Variants in AS3MT observed in about 807,000 individuals in gnomAD.
AS3MT encodes the protein S-adenosyl-L-methionine:arsenic(III) methyltransferase.
A neutral mutation model predicts 45.3 loss-of-function variants in AS3MT; 47 were observed. That is an observed-to-expected ratio of 1.04 (90% confidence interval 0.82 to 1.32). The LOEUF (loss-of-function observed/expected upper bound fraction) is 1.32, where lower values mean the gene tolerates loss of function less well. Ranked by LOEUF, AS3MT falls within the 40% of genes most tolerant of loss-of-function variation. The probability of loss-of-function intolerance (pLI) is 0.00; values close to 1 mark genes in which losing one functional copy is unlikely to be tolerated. For synonymous variants in AS3MT, 141 were observed against 152.8 expected (o/e 0.92, Z 0.57); for missense variants, 396 against 451.1 (o/e 0.88, Z 1.11).
chr10:102,872,588 C>T lies in AS3MT; in HGVS notation c.311C>T (p.Thr104Ile), dbSNP rs764428592. 6.2e-7 allele frequency: 1 copy of T among 1,606,970 alleles called. No individual in the cohort carries two copies. The highest frequency in any genetic ancestry group is 2.2e-5 in the East Asian group (1 of 44,812). ...GGACACGTGACTGGAATAGACATGACCAAAGGCCAGGTGAGGCATGATTTG... is the reference window on the plus strand; with the variant it reads ...GGACACGTGACTGGAATAGACATGATCAAAGGCCAGGTGAGGCATGATTTG... Reference protein sequence around the residue: ...EKGHVTGIDMTKGQVEVAEKY... With the variant: ...EKGHVTGIDMIKGQVEVAEKY... Residue 104 changes from threonine (T) to isoleucine (I), a missense_variant, in exon 4 of 11, where the codon ACC (threonine) becomes ATC (isoleucine). Transcript: ENST00000369880.
intron 10 of AS3MT, among the ~76,000 whole-genome samples, chr10:102,896,460 T>A (rs1003436732): frequency 6.6e-6 from 1 of 151,628 alleles, no homozygotes; most frequent in Non-Finnish European, 1.5e-5. Flanking sequence ...GGAGCCAGTA[T>A]TACCAGCATG....
Position 102,878,842 on chromosome 10 carries a change from T to C in AS3MT, c.743-7T>C. The C allele has an allele frequency of 1.9e-6, 3 of 1,611,506 alleles. No homozygotes were observed. The highest frequency in any genetic ancestry group is 2.5e-6 in the Non-Finnish European group (3 of 1,179,194). On this transcript the variant is annotated splice_polypyrimidine_tract_variant and splice_region_variant and intron_variant, in intron 8 of 10. Coordinates refer to ENST00000369880, the MANE Select transcript of AS3MT (RefSeq NM_020682.4). The stretch of plus-strand genomic sequence containing the variant: ...GGAGATGAACCGTGAATAAATTCTA[T>C]TTTTAGGTGACTGTCGTTTTGTTTC...
intron 3 of AS3MT, among the ~76,000 whole-genome samples, chr10:102,870,863 C>T (rs1844668219): frequency 1.3e-5 from 2 of 152,214 alleles, no homozygotes; most frequent in South Asian, 4.1e-4. Context: ...CGGCCTCTTC[C>T]CCAAACTGCC....
intron 8 of AS3MT, 77 bp from the exon 9 acceptor site, chr10:102,878,772 G>A (rs984255328): frequency 3.9e-6 from 6 of 1,528,398 alleles, no homozygotes; most frequent in Non-Finnish European, 5.3e-6. Flanking sequence ...TTTATAACGT[G>A]TTTGCTCCTT....
At chr10:102,898,114 CTT>C (rs879845465) in intron 10 of AS3MT, among the ~76,000 whole-genome samples, 1 of 143,320 alleles carries the variant, frequency 7.0e-6, no homozygotes. Context: ...ACATTCTTAT[CTT>C]TTTTTTTTTT....
chr10:102,872,380 T>C (rs1844706406), intron 3 of AS3MT, 68 bp from the exon 4 acceptor site: 1 of 1,501,366 alleles, frequency 6.7e-7, no homozygotes, highest in South Asian at 1.2e-5. Context: ...GAGGGAAGTA[T>C]GTATAAGATT....
In AS3MT at chr10:102,882,838, G is replaced by A. The variant is rs557380808; in HGVS notation, c.885+3847G>A. Among the ~76,000 whole-genome samples, 52 of 151,338 alleles carry A rather than the reference G, an allele frequency of 3.4e-4. No individual in the cohort carries two copies. The South Asian group carries it at 8.8e-3, about 26-fold the overall frequency. ...ACTCCTGACCTCAGGTAATCTACCC[G>A]CCTCGGCCTCCCAAAGTGCTGGGAT... On this transcript the variant is annotated intron_variant, in intron 9 of 10. Transcript: ENST00000369880.
intron 9 of AS3MT, among the ~76,000 whole-genome samples, chr10:102,888,869 ATATATATATATATTTTTT>A (rs1158278227): frequency 1.1e-5 from 1 of 88,630 alleles, no homozygotes; most frequent in East Asian, 3.2e-4. Flanking sequence ...ATATATATAT[ATATATATATATATTTTTT>A]TTTTTTTTTT....
intron 8 of AS3MT, 130 bp downstream of exon 8, chr10:102,878,640 C>A: frequency 7.2e-7 from 1 of 1,383,072 alleles, no homozygotes; most frequent in Non-Finnish European, 9.8e-7. Context: ...AGCTATCTTG[C>A]CTCCTGTACA....
chr10:102,879,586 C>T (rs1004083174), intron 9 of AS3MT, among the ~76,000 whole-genome samples: 1 of 151,592 alleles, frequency 6.6e-6, no homozygotes, highest in African/African-American at 2.4e-5. Flanking sequence ...ACGAACATGG[C>T]GAAAACCCAT....
intron 8 of AS3MT, 61 bp from the exon 9 acceptor site, chr10:102,878,788 C>T: frequency 6.4e-7 from 1 of 1,570,606 alleles, no homozygotes; most frequent in South Asian, 1.2e-5. Context: ...TCCTTGTCTG[C>T]TGAGCAAGGC....
chr10:102,877,848 G>T lies in AS3MT; in HGVS notation c.611-531G>T, dbSNP rs961106064. ...GCTCACTGCAACCTCCACTTCCCGG[G>T]TTCAAGTGATTCTCCTGCCTCAGCC... On this transcript the variant is annotated intron_variant, in intron 7 of 10. Coordinates refer to ENST00000369880, the MANE Select transcript of AS3MT (RefSeq NM_020682.4). Among the ~76,000 whole-genome samples, 3 of 150,194 alleles carry T rather than the reference G, an allele frequency of 2.0e-5. No individual in the cohort carries two copies. In the Admixed American group the frequency reaches 2.0e-4, roughly 10 times the overall value.
At chr10:102,879,682 T>C (rs903485617) in intron 9 of AS3MT, among the ~76,000 whole-genome samples, 3 of 150,698 alleles carry the variant, frequency 2.0e-5, no homozygotes, top group Non-Finnish European at 4.4e-5. Context: ...GGCAGGAGAA[T>C]TGCATGAACC....
chr10:102,887,631 C>A (rs532774361), intron 9 of AS3MT, among the ~76,000 whole-genome samples: 1 of 152,134 alleles, frequency 6.6e-6, no homozygotes, highest in Non-Finnish European at 1.5e-5. Context: ...TATAGCTACT[C>A]CTGTTCTTTT....
chr10:102,895,965 G>C (rs925714408), intron 10 of AS3MT, among the ~76,000 whole-genome samples: 1 of 151,794 alleles, frequency 6.6e-6, no homozygotes, highest in Non-Finnish European at 1.5e-5. Flanking sequence ...TAGTAGAGAC[G>C]GGGTTTTACC....
chr10:102,896,618 C>A (rs908686902), intron 10 of AS3MT, among the ~76,000 whole-genome samples: 2 of 151,384 alleles, frequency 1.3e-5, no homozygotes, highest in Non-Finnish European at 2.9e-5. Flanking sequence ...CCAGCCTGGC[C>A]AAGATGGTGA....
intron 10 of AS3MT, among the ~76,000 whole-genome samples, chr10:102,897,877 G>A (rs1221523209): frequency 1.3e-5 from 2 of 152,222 alleles, no homozygotes; most frequent in Non-Finnish European, 2.9e-5. Flanking sequence ...TGCAACACAT[G>A]TACAGGAGGT....
chr10:102,888,881 A>ATATTTTTTT (rs1491503446), intron 9 of AS3MT, among the ~76,000 whole-genome samples: 56 of 52,508 alleles, frequency 1.1e-3, no homozygotes, highest in Non-Finnish European at 1.8e-3. Flanking sequence ...ATATATATAT[A>ATATTTTTTT]TTTTTTTTTT....
chr10:102,878,353 G>T (rs199546052), intron 7 of AS3MT, 26 bp from the exon 8 acceptor site: 164 of 1,609,706 alleles, frequency 1.0e-4, no homozygotes, highest in Non-Finnish European at 1.4e-4. Flanking sequence ...CTGGTCTGTG[G>T]TTTTTTGTTG....
Sources: allele counts gnomAD v4.1 joint callset (sites outside exome capture counted in the v4.1 genomes callset), GRCh38; gene constraint gnomAD v4.1.1; transcripts MANE v1.5; gene names NCBI Gene and HGNC (gene_info 2026-07-23, HGNC 2026-07-21).